The following UNC5D variants were observed in gnomAD, a reference collection of about 807,000 sequenced individuals.
UNC5D encodes unc-5 netrin receptor D, also known as netrin receptor UNC5D.
Under a neutral mutation model 105.4 loss-of-function variants are expected in UNC5D, and 39 were observed. That is an observed-to-expected ratio of 0.37 (90% CI 0.29 to 0.48). The LOEUF (loss-of-function observed/expected upper bound fraction) is 0.48, where lower values mean the gene tolerates loss of function less well. Ranked by LOEUF, UNC5D falls within the 20% of genes least tolerant of loss-of-function variation. UNC5D has a pLI of 0.98. For missense variants in UNC5D, 991 were observed against 1,202.4 expected (o/e 0.82, Z 2.60); for synonymous variants, 452 against 450.4 (o/e 1.00, Z -0.04).
chr8:35,358,182 A>G (rs1283447244), intron 1 of UNC5D, among the ~76,000 whole-genome samples: 2 of 152,190 alleles, frequency 1.3e-5, no homozygotes, highest in Non-Finnish European at 2.9e-5. Context: ...ATTCTATTAT[A>G]AAGATACATA....
chr8:35,781,108 G>A (rs1429356946), intron 16 of UNC5D, among the ~76,000 whole-genome samples: 3 of 152,136 alleles, frequency 2.0e-5, no homozygotes, highest in Non-Finnish European at 4.4e-5. Context: ...TTCTGGTCCA[G>A]TGTGGATTTA....
intron 1 of UNC5D, among the ~76,000 whole-genome samples, chr8:35,420,233 A>AT (rs1395825416): frequency 6.6e-6 from 1 of 152,128 alleles, no homozygotes; most frequent in African/African-American, 2.4e-5. Context: ...AGAACATGAA[A>AT]TTGAAGAAGC....
chr8:35,362,202 G>C (rs971974765), intron 1 of UNC5D, among the ~76,000 whole-genome samples: 2 of 152,120 alleles, frequency 1.3e-5, no homozygotes, highest in Non-Finnish European at 2.9e-5. Flanking sequence ...GTTGCATTTC[G>C]CAATTGAATC....
At chr8:35,594,546 C>T (rs1355261213) in intron 3 of UNC5D, among the ~76,000 whole-genome samples, 1 of 152,110 alleles carries the variant, frequency 6.6e-6, no homozygotes, top group Admixed American at 6.6e-5. Flanking sequence ...TTGTAAACAA[C>T]CTGTCTTTGC....
intron 1 of UNC5D, among the ~76,000 whole-genome samples, chr8:35,406,130 C>T (rs140771888): frequency 8.1e-4 from 123 of 152,170 alleles, no homozygotes; most frequent in Non-Finnish European, 1.4e-3. Context: ...GTGCCTCAAA[C>T]GGGATAGACT....
At chr8:35,698,871 A>C (rs1020103632) in intron 7 of UNC5D, among the ~76,000 whole-genome samples, 4 of 152,084 alleles carry the variant, frequency 2.6e-5, no homozygotes, top group Non-Finnish European at 5.9e-5. Context: ...TAGAATCTGG[A>C]CTTTTTGTTC....
Position 35,781,676 on chromosome 8 carries a change from T to G in UNC5D, c.2657+7199T>G, listed in dbSNP as rs374658986. Among the ~76,000 whole-genome samples the G allele has an allele frequency of 3.9e-5, 6 of 152,340 alleles. No homozygotes were observed. The East Asian group carries it at 7.7e-4, about 20-fold the overall frequency. ...AATTTATTAGTGTCCTTCAAGTGAT[T>G]AACTATTTCTTTTCAATTATTTGTG... On this transcript the variant is annotated intron_variant, in intron 16 of 16. Transcript: ENST00000404895.
chr8:35,662,180 AG>A (rs1247018832), intron 4 of UNC5D, among the ~76,000 whole-genome samples: 4 of 132,942 alleles, frequency 3.0e-5, no homozygotes, highest in Admixed American at 7.7e-5. Context: ...ACTAAACAAA[AG>A]CTTTCAAAAA....
At chr8:35,311,576 C>G (rs938359008) in intron 1 of UNC5D, among the ~76,000 whole-genome samples, 11 of 152,056 alleles carry the variant, frequency 7.2e-5, no homozygotes, top group Non-Finnish European at 8.8e-5. Context: ...CAGTATATGT[C>G]AGGGTGGAGA....
At chr8:35,280,679 G>A (rs1447220815) in intron 1 of UNC5D, among the ~76,000 whole-genome samples, 1 of 152,116 alleles carries the variant, frequency 6.6e-6, no homozygotes, top group Non-Finnish European at 1.5e-5. Context: ...AAAACAAATT[G>A]TATCTTTAAA....
intron 16 of UNC5D, among the ~76,000 whole-genome samples, chr8:35,786,383 C>A (rs1270838758): frequency 1.3e-5 from 2 of 152,154 alleles, no homozygotes; most frequent in Non-Finnish European, 2.9e-5. Context: ...CTCTTTTGAT[C>A]ATTTAGCTTC....
intron 4 of UNC5D, among the ~76,000 whole-genome samples, chr8:35,610,430 A>G (rs186264752): frequency 2.6e-5 from 4 of 152,272 alleles, no homozygotes; most frequent in Admixed American, 2.6e-4. Flanking sequence ...AATTTGCTAT[A>G]TATTCTGTTC....
At chr8:35,328,712 A>G (rs1810367491) in intron 1 of UNC5D, among the ~76,000 whole-genome samples, 1 of 152,164 alleles carries the variant, frequency 6.6e-6, no homozygotes, top group South Asian at 2.1e-4. Context: ...TAAACTTAAT[A>G]AAGTTAGATT....
chr8:35,557,191 A>G (rs1208336488), intron 2 of UNC5D, among the ~76,000 whole-genome samples: 1 of 152,142 alleles, frequency 6.6e-6, no homozygotes. Flanking sequence ...AGACAACACT[A>G]TGAAGTTAAT....
At position 35,759,389 on chromosome 8, in the gene UNC5D, G is replaced by A. The variant is rs373797867; in HGVS notation, c.2233G>A (p.Gly745Arg). 1.2e-6 allele frequency: 2 copies of A among 1,614,060 alleles called. No homozygotes were observed. Among genetic ancestry groups the A allele is most frequent in the Non-Finnish European group, 8.5e-7 (1 of 1,179,964 alleles). ...LEEPKLLHFK[G>R]NTFSLQISVL... ...AGAACCAAAATTGCTGCATTTCAAA[G>A]GGAATACCTTTAGTCTTCAGATTTC... The change falls in exon 14 of 17, where the codon GGG (glycine) becomes AGG (arginine). Residue 745 changes from glycine to arginine, a missense_variant. Physicochemically the swap from Gly to Arg is moderately radical, Grantham distance 125. This residue lies in a region of UNC5D where 944 missense variants were observed against 1,131.6 expected (regional missense o/e 0.83). Coordinates refer to ENST00000404895, the MANE Select transcript of UNC5D (RefSeq NM_080872.4).
chr8:35,383,627 G>A (rs2128934318), intron 1 of UNC5D, among the ~76,000 whole-genome samples: 1 of 152,352 alleles, frequency 6.6e-6, no homozygotes, highest in African/African-American at 2.4e-5. Flanking sequence ...GACTGTGGTT[G>A]ACCACAGGAA....
intron 13 of UNC5D, among the ~76,000 whole-genome samples, chr8:35,753,676 A>G (rs1156934133): frequency 2.0e-5 from 3 of 152,202 alleles, no homozygotes; most frequent in African/African-American, 4.8e-5. Flanking sequence ...TCTCTCTCCT[A>G]CAATGGCAAA....
At chr8:35,529,986 T>G (rs953582056) in intron 1 of UNC5D, among the ~76,000 whole-genome samples, 2 of 151,118 alleles carry the variant, frequency 1.3e-5, no homozygotes, top group Non-Finnish European at 3.0e-5. Context: ...TCATGTCATC[T>G]GCAAACAGGG....
At chr8:35,781,308 CAGGTGCCCATCCT>C (rs1802491375) in intron 16 of UNC5D, among the ~76,000 whole-genome samples, 1 of 152,140 alleles carries the variant, frequency 6.6e-6, no homozygotes, top group Admixed American at 6.6e-5. Flanking sequence ...TTGTAAGTGG[CAGGTGCCCATCCT>C]AAAGGCAATA....
Sources: allele counts gnomAD v4.1 joint callset (sites outside exome capture counted in the v4.1 genomes callset), GRCh38; gene constraint gnomAD v4.1.1; regional missense constraint gnomAD v4.1.1; transcripts MANE v1.5; gene names NCBI Gene and HGNC (gene_info 2026-07-23, HGNC 2026-07-21).